RIPOR3: variants seen among roughly 807,000 people sequenced by gnomAD.
RIPOR3 encodes the protein family with sequence similarity 65 member C.
A neutral mutation model predicts 114.3 loss-of-function variants in RIPOR3; 95 were observed. That is an observed-to-expected ratio of 0.83 (90% CI 0.70 to 0.99). RIPOR3 has a LOEUF of 0.99. Ranked by LOEUF, RIPOR3 falls within the 50% of genes least tolerant of loss-of-function variation. The pLI, the probability that RIPOR3 is intolerant of heterozygous loss-of-function variation, is 0.00. For missense variants in RIPOR3, 1,252 were observed against 1,266.9 expected, an observed-to-expected ratio of 0.99 and a Z score of 0.18; for synonymous variants, 575 against 543.8, an observed-to-expected ratio of 1.06 and a Z score of -0.80.
chr20:50,660,194 T>G (rs1414595451), intron 1 of RIPOR3: 1 of 152,200 alleles, frequency 6.6e-6, no homozygotes, highest in Non-Finnish European at 1.5e-5. Context: ...TGGATCAAGC[T>G]TCACCTGAAA....
intron 1 of RIPOR3, among the ~76,000 whole-genome samples, chr20:50,655,180 T>C (rs2085765719): frequency 6.6e-6 from 1 of 152,276 alleles, no homozygotes; most frequent in Admixed American, 6.5e-5. Context: ...ACATTCTTCC[T>C]GCATATTGTC....
chr20:50,663,360 G>A (rs1167649237), intron 1 of RIPOR3, among the ~76,000 whole-genome samples: 4 of 152,014 alleles, frequency 2.6e-5, no homozygotes, highest in Admixed American at 2.0e-4. Context: ...TGTTCTGTTC[G>A]GCTTCACAGT....
At chr20:50,622,686 G>A (rs1422983896) in intron 2 of RIPOR3, among the ~76,000 whole-genome samples, 1 of 149,512 alleles carries the variant, frequency 6.7e-6, no homozygotes, top group Non-Finnish European at 1.5e-5. Context: ...CCTTGGCTCT[G>A]GACTGCAGAG....
At chr20:50,661,256 G>T (rs1304294271) in intron 1 of RIPOR3, among the ~76,000 whole-genome samples, 6 of 150,924 alleles carry the variant, frequency 4.0e-5, no homozygotes, top group Admixed American at 3.3e-4. Context: ...AAAAAAAATT[G>T]TAGGGACACA....
At chr20:50,616,138 G>A in intron 3 of RIPOR3, 58 bp from the exon 4 acceptor site, 18 of 1,544,784 alleles carry the variant, frequency 1.2e-5, no homozygotes, top group Non-Finnish European at 1.5e-5. Context: ...GGGAAAGGAA[G>A]TAGGCCAAAT....
chr20:50,608,784 C>G (rs368066135), intron 9 of RIPOR3, 46 bp from the exon 10 acceptor site: 5 of 1,612,502 alleles, frequency 3.1e-6, no homozygotes, highest in Non-Finnish European at 4.2e-6. Context: ...GGTGGGTGTC[C>G]CCTTGCTGTC....
chr20:50,620,892 G>A lies in RIPOR3; in HGVS notation c.123-760C>T, dbSNP rs186188574. 90 of 646,516 alleles carry A rather than the reference G, an allele frequency of 1.4e-4. 1 individual carries two copies. The Middle Eastern group carries it at 3.8e-3, about 27-fold the overall frequency. 40.0% of individuals were successfully genotyped at this position (646,516 alleles called of 1,614,324 possible). On this transcript the variant is annotated intron_variant, in intron 2 of 21. Transcript: ENST00000327979. ...ACTGAGTTTGTGCGGGACATGATCC[G>A]GGAGGTGTGTGGCTTTGCCCTGTAC...
At chr20:50,669,517 A>G (rs1050147136) in intron 1 of RIPOR3, among the ~76,000 whole-genome samples, 3 of 152,224 alleles carry the variant, frequency 2.0e-5, no homozygotes, top group African/African-American at 7.2e-5. Flanking sequence ...GGACCATGGC[A>G]GATCTAGTTC....
At chr20:50,655,335 G>T (rs2085771780) in intron 1 of RIPOR3, among the ~76,000 whole-genome samples, 1 of 152,196 alleles carries the variant, frequency 6.6e-6, no homozygotes, top group African/African-American at 2.4e-5. Flanking sequence ...TGGGAATAGG[G>T]TTCCCCAGGG....
rs200101821 is a variant in RIPOR3, at chr20:50,620,096, C to T, written c.159G>A (p.Met53Ile). ...SINRNSVRSR[M>I]PAKSSKMYGT... Reference sequence around the variant, plus strand: ...CGTACATCTTGGAGGATTTTGCAGGCATTCGCGATCTCACGGAGTTCCTGT... The same window carrying T: ...CGTACATCTTGGAGGATTTTGCAGGTATTCGCGATCTCACGGAGTTCCTGT... Residue 53 changes from methionine (M) to isoleucine (I), a missense_variant, in exon 3 of 22, where the codon ATG (methionine) becomes ATA (isoleucine). Physicochemically the swap from Met to Ile is conservative, Grantham distance 10. Coordinates refer to ENST00000327979, the MANE Select transcript of RIPOR3 (RefSeq NM_001290268.2). 13 of 1,614,166 alleles carry T rather than the reference C, an allele frequency of 8.1e-6. No individual in the cohort carries two copies. In the East Asian group the frequency reaches 2.9e-4, roughly 36 times the overall value.
intron 1 of RIPOR3, among the ~76,000 whole-genome samples, chr20:50,632,433 A>G (rs1405477453): frequency 6.6e-6 from 1 of 152,222 alleles, no homozygotes; most frequent in African/African-American, 2.4e-5. Flanking sequence ...CCAGCTCTGC[A>G]GGTGAGCCAG....
At chr20:50,628,834 C>T (rs1028356789) in intron 2 of RIPOR3, among the ~76,000 whole-genome samples, 2 of 152,190 alleles carry the variant, frequency 1.3e-5, no homozygotes, top group East Asian at 3.8e-4. Context: ...CCTGGGGTCC[C>T]GGCACCACCA....
At chr20:50,650,816 C>G (rs1293993836) in intron 1 of RIPOR3, among the ~76,000 whole-genome samples, 3 of 152,184 alleles carry the variant, frequency 2.0e-5, no homozygotes, top group Non-Finnish European at 4.4e-5. Flanking sequence ...CTCGACTTCT[C>G]TAACCCGTAA....
At position 50,671,014 on chromosome 20, in the gene RIPOR3, A is replaced by G. The variant is rs571094592; in HGVS notation, c.3+20112T>C. Among the ~76,000 whole-genome samples, 3 of 151,860 alleles carry G rather than the reference A, an allele frequency of 2.0e-5. No homozygotes were observed. The East Asian group carries it at 5.8e-4, about 29-fold the overall frequency. On this transcript the variant is annotated intron_variant, in intron 1 of 21. Coordinates refer to ENST00000327979, the MANE Select transcript of RIPOR3 (RefSeq NM_001290268.2). ...GTGATCTCCGCTCACTGCAACCTCC[A>G]CCTCCCGGCTTCAAGTGATTCTCCT...
At position 50,630,809 on chromosome 20, in the gene RIPOR3, T is replaced by C; in HGVS notation, c.51A>G (p.Thr17=). ...TCCGGCCCACGACCCCCACGGCCCC[T>C]GTGTCCCCAGGGGACAGGAACCGCA... ...VRLRFLSPGD[T]GAVGVVGRSA... Residue 17 remains threonine, a synonymous_variant, in exon 2 of 22, where the codon ACA becomes ACG. Transcript: ENST00000327979. 1 of 1,611,488 alleles carries C rather than the reference T, an allele frequency of 6.2e-7. No homozygotes were observed. The highest frequency in any genetic ancestry group is 1.7e-5 in the Admixed American group (1 of 59,812).
At chr20:50,634,292 T>G (rs1239998359) in intron 1 of RIPOR3, among the ~76,000 whole-genome samples, 1 of 152,116 alleles carries the variant, frequency 6.6e-6, no homozygotes, top group Non-Finnish European at 1.5e-5. Flanking sequence ...AGGACACTCA[T>G]TTTTCAAACT....
intron 21 of RIPOR3, 83 bp downstream of exon 21, chr20:50,587,719 C>A: frequency 2.2e-6 from 3 of 1,375,070 alleles, no homozygotes; most frequent in Non-Finnish European, 1.0e-6. Context: ...GTTCTGCCTG[C>A]TGGGAGAGCT....
chr20:50,676,751 TGCATCCTCCA>T (rs1338411539), intron 1 of RIPOR3, among the ~76,000 whole-genome samples: 1 of 150,660 alleles, frequency 6.6e-6, no homozygotes, highest in East Asian at 1.9e-4. Flanking sequence ...TCTCTATCAG[TGCATCCTCCA>T]GATTCTACTT....
At chr20:50,591,259 T>A (rs977191400) in intron 19 of RIPOR3, among the ~76,000 whole-genome samples, 1 of 152,196 alleles carries the variant, frequency 6.6e-6, no homozygotes, top group Non-Finnish European at 1.5e-5. Flanking sequence ...AAGGAATTGA[T>A]AGTTAATTTT....
Sources: gnomAD v4.1 joint callset for allele counts (sites outside exome capture counted in the v4.1 genomes callset) on GRCh38, gnomAD v4.1.1 for gene constraint, MANE v1.5 for transcripts, NCBI Gene and HGNC (gene_info 2026-07-23, HGNC 2026-07-21) for gene names.